The following MFGE8 variants were observed in gnomAD, a reference collection of about 807,000 sequenced individuals.
MFGE8 encodes milk fat globule EGF and factor V/VIII domain containing, also known as lactadherin.
Under a neutral mutation model 42.6 loss-of-function variants are expected in MFGE8, and 34 were observed. The ratio of observed to expected loss-of-function variants is 0.80; its 90% CI spans 0.61 to 1.06. The LOEUF is 1.06. Ranked by LOEUF, MFGE8 falls within the 50% of genes least tolerant of loss-of-function variation. MFGE8 has a pLI of 0.00. For missense variants in MFGE8, 510 were observed against 516.9 expected (o/e 0.99, Z 0.13); for synonymous variants, 230 against 214.8 (o/e 1.07, Z -0.62).
intron 1 of MFGE8, 67 bp from the exon 2 acceptor site, chr15:88,909,990 G>A: frequency 1.9e-6 from 3 of 1,598,576 alleles, no homozygotes; most frequent in Non-Finnish European, 1.7e-6. Flanking sequence ...GTGAGAAGTA[G>A]CAGATGGGTC....
At position 88,913,241 on chromosome 15, in the gene MFGE8, A is replaced by T; in HGVS notation, c.73+6T>A. 6.7e-7 allele frequency: 1 copy of T among 1,503,424 alleles called. No homozygotes were observed. The highest frequency in any genetic ancestry group is 2.7e-5 in the East Asian group (1 of 36,572). 93.1% of individuals were successfully genotyped at this position (1,503,424 alleles called of 1,614,324 possible). On this transcript the variant is annotated splice_donor_region_variant and intron_variant, in intron 1 of 7. Transcript: ENST00000268150. ...CGAGGGGCAGAGGGCGGCGCGATCC[A>T]CTCACCCAGGGCGACGAGGAGGCTG...
In MFGE8 at chr15:88,906,763, T is replaced by A. The variant is rs1053309442; in HGVS notation, c.403A>T (p.Arg135Trp). ...GTCACCACACCTGTTACCCACATCC[T>A]CCGCAGCAGGTTCACCTGGACACAG... ...NPWIQVNLLR[R>W]MWVTGVVTQG... Residue 135 changes from arginine to tryptophan, a missense_variant, in exon 4 of 8, where the codon AGG becomes TGG. Coordinates refer to ENST00000268150, the MANE Select transcript of MFGE8 (RefSeq NM_005928.4). This position sits in a 1 kb window ranked among gnomAD's most constrained non-coding sequence, Gnocchi z 4.2. 6.2e-7 allele frequency: 1 copy of A among 1,612,958 alleles called. No individual in the cohort carries two copies. Among genetic ancestry groups the A allele is most frequent in the Admixed American group, 1.7e-5 (1 of 60,012 alleles).
chr15:88,900,813 C>A, intron 6 of MFGE8: 12 of 917,440 alleles, frequency 1.3e-5, no homozygotes, highest in African/African-American at 1.8e-5. Flanking sequence ...GACACTGAGT[C>A]AGAGAATATG....
Position 88,912,170 on chromosome 15 carries a change from C to T in MFGE8, c.73+1077G>A, listed in dbSNP as rs1382036793. 3.9e-6 allele frequency: 5 copies of T among 1,289,872 alleles called. No homozygotes were observed. In the Admixed American group the frequency reaches 1.1e-4, roughly 30 times the overall value. The allele number at this position is 1,289,872 out of a possible 1,614,324, so 79.9% of individuals were successfully genotyped here. On this transcript the variant is annotated intron_variant, in intron 1 of 7. Coordinates refer to ENST00000268150, the MANE Select transcript of MFGE8 (RefSeq NM_005928.4). ...TGTTTCCTCCTTCTGGAAAAGGCCA[C>T]ATCACCCTGTATAAAAACATCTTTG...
intron 6 of MFGE8, 21 bp downstream of exon 6, chr15:88,901,527 CATA>C: frequency 7.4e-6 from 11 of 1,490,620 alleles, no homozygotes; most frequent in South Asian, 1.1e-5. Flanking sequence ...ACCCCAGCCC[CATA>C]TCCCAAGAAG....
intron 5 of MFGE8, chr15:88,904,637 C>T (rs775054140): frequency 6.6e-6 from 1 of 152,212 alleles, no homozygotes; most frequent in African/African-American, 2.4e-5. Flanking sequence ...TTCCTTCTAG[C>T]AGAAGGCAAA....
chr15:88,907,370 A>T lies in MFGE8; in HGVS notation c.212T>A (p.Val71Asp). Residue 71 changes from valine to aspartate, a missense_variant, in exon 3 of 8, where the codon GTC becomes GAC. By Grantham distance (152) the Val-to-Asp change is radical (BLOSUM62 -3). Transcript: ENST00000268150. ...CCCATTCTCCAGGCCCAGTGGCTCG[A>T]CACATTCTGAGGGAAGGGAGGTGGC... ...YAGNHCETKC[V>D]EPLGLENGNI... The T allele has an allele frequency of 1.9e-6, 3 of 1,614,088 alleles. No individual in the cohort carries two copies. The highest frequency in any genetic ancestry group is 2.5e-6 in the Non-Finnish European group (3 of 1,179,996).
At chr15:88,912,754 C>T in intron 1 of MFGE8, 1 of 985,448 alleles carries the variant, frequency 1.0e-6, no homozygotes, top group Non-Finnish European at 1.2e-6. Context: ...CCCGGCCCTT[C>T]CCTTATGTGA....
Position 88,903,924 on chromosome 15 carries a change from C to G in MFGE8, c.685+1833G>C, listed in dbSNP as rs1370390417. 6.6e-6 allele frequency: 1 copy of G among 152,432 alleles called. No individual in the cohort carries two copies. The highest frequency in any genetic ancestry group is 1.9e-4 in the East Asian group (1 of 5,192). The allele number at this position is 152,432 out of a possible 1,614,324, so 9.4% of individuals were successfully genotyped here. A position where few individuals can be genotyped will look rare whatever the true frequency, so the allele number is the denominator to read the frequency against. ...TTCCACCCTTCAACATGCCCCAGGG[C>G]CTTTGCATTTACCAATTCCTTGCCT... On this transcript the variant is annotated intron_variant, in intron 5 of 7. Transcript: ENST00000268150. This position sits in a 1 kb window ranked among gnomAD's most constrained non-coding sequence, Gnocchi z 4.9.
chr15:88,910,155 G>T, intron 1 of MFGE8: 2 of 482,908 alleles, frequency 4.1e-6, no homozygotes, highest in Non-Finnish European at 3.8e-6. Flanking sequence ...TTTCCAAGTG[G>T]CCTGGGAGTG....
rs748914080 is a variant in MFGE8, at chr15:88,901,203, TCACA to T, written c.870+344_870+347del. Among the ~76,000 whole-genome samples the T allele has an allele frequency of 4.0e-4, 25 of 61,948 alleles. 1 individual carries two copies. The highest frequency in any genetic ancestry group is 1.0e-3 in the African/African-American group (23 of 22,890). The allele number at this position is 61,948 out of a possible 152,430, so 40.6% of individuals were successfully genotyped here. Reference sequence around the variant, plus strand: ...CACATTCACACACACATTCACACATTCACACACACACATTCACACATACACATTC... The same window carrying T: ...CACATTCACACACACATTCACACATTCACACACATTCACACATACACATTC... On this transcript the variant is annotated intron_variant, in intron 6 of 7. Coordinates refer to ENST00000268150, the MANE Select transcript of MFGE8 (RefSeq NM_005928.4).
Position 88,909,896 on chromosome 15 carries a change from T to C in MFGE8, c.101A>G (p.Asn34Ser), listed in dbSNP as rs1250178122. The C allele has an allele frequency of 1.9e-6, 3 of 1,614,174 alleles. No homozygotes were observed. The highest frequency in any genetic ancestry group is 3.3e-4 in the Middle Eastern group (2 of 6,062). The part of the protein sequence containing the change: ...LDICSKNPCH[N>S]GGLCEEISQE... Reference sequence around the variant, plus strand: ...GGAAATCTCCTCGCATAAACCACCGTTGTGGCAGGGGTTTTTGGAACAGAT... The same window carrying C: ...GGAAATCTCCTCGCATAAACCACCGCTGTGGCAGGGGTTTTTGGAACAGAT... Residue 34 changes from asparagine to serine, a missense_variant, in exon 2 of 8, where the codon AAC becomes AGC. Transcript: ENST00000268150.
At chr15:88,910,504 A>G (rs994261353) in intron 1 of MFGE8, 2 of 184,422 alleles carry the variant, frequency 1.1e-5, no homozygotes, top group Non-Finnish European at 2.3e-5. Flanking sequence ...CAGAGAAATC[A>G]GATGCAGCGC....
chr15:88,911,297 GC>G (rs979971892), intron 1 of MFGE8, among the ~76,000 whole-genome samples: 1 of 152,174 alleles, frequency 6.6e-6, no homozygotes, highest in African/African-American at 2.4e-5. Flanking sequence ...GAACAGGAGG[GC>G]CTGTCCTCAA....
chr15:88,901,512 AC>A, intron 6 of MFGE8, 38 bp downstream of exon 6: 3 of 667,132 alleles, frequency 4.5e-6, no homozygotes, highest in East Asian at 3.8e-5. Context: ...ACCTCATCCC[AC>A]CCAACCCCAG....
intron 6 of MFGE8, among the ~76,000 whole-genome samples, chr15:88,900,991 ACACACACACATT>A (rs1898336679): frequency 1.1e-5 from 1 of 88,106 alleles, no homozygotes; most frequent in East Asian, 2.7e-4. Context: ...ACACACATTC[ACACACACACATT>A]CACACACACA....
rs1324962855 is a variant in MFGE8, at chr15:88,905,555, C to T, written c.685+202G>A. On this transcript the variant is annotated intron_variant, in intron 5 of 7. Transcript: ENST00000268150. This position sits in a 1 kb window ranked among gnomAD's most constrained non-coding sequence, Gnocchi z 6.6. ...CTCTATCAATCAGAATGCCCTGGGTCATGGGTTGGCAGACAGCAAACACCT... is the reference window on the plus strand; with the variant it reads ...CTCTATCAATCAGAATGCCCTGGGTTATGGGTTGGCAGACAGCAAACACCT... 5 of 719,892 alleles carry T rather than the reference C, an allele frequency of 6.9e-6. No individual in the cohort carries two copies. Among genetic ancestry groups the T allele is most frequent in the South Asian group, 4.5e-5 (3 of 67,412 alleles). 44.6% of individuals were successfully genotyped at this position (719,892 alleles called of 1,614,324 possible).
rs534447969 is a variant in MFGE8, at chr15:88,907,007, C to G, written c.387+188G>C. ...CCTCCACAGCCTGGGGCCTCCTCCC[C>G]CCTCACCTTGACCCCATACCAGGTT... On this transcript the variant is annotated intron_variant, in intron 3 of 7. Transcript: ENST00000268150. 2.0e-3 allele frequency among the ~76,000 whole-genome samples: 300 copies of G among 152,358 alleles called. 1 individual carries two copies. Among genetic ancestry groups the G allele is most frequent in the Non-Finnish European group, 3.6e-3 (243 of 68,026 alleles).
At chr15:88,909,196 A>G (rs1322601535) in intron 2 of MFGE8, among the ~76,000 whole-genome samples, 1 of 152,178 alleles carries the variant, frequency 6.6e-6, no homozygotes, top group Non-Finnish European at 1.5e-5. Flanking sequence ...GGCCGAGTGG[A>G]TAACCAGGCA....
Sources: allele counts gnomAD v4.1 joint callset (sites outside exome capture counted in the v4.1 genomes callset), GRCh38; gene constraint gnomAD v4.1.1; non-coding constraint Gnocchi (gnomAD v3.1); transcripts MANE v1.5; gene names NCBI Gene and HGNC (gene_info 2026-07-23, HGNC 2026-07-21).